The following MARK1 variants were observed in gnomAD, a reference collection of about 807,000 sequenced individuals.
MARK1 encodes the protein microtubule affinity regulating kinase 1, also known as serine/threonine-protein kinase MARK1.
MARK1 carries 40 observed loss-of-function variants against 96.3 expected under a neutral mutation model. The observed-to-expected ratio is 0.42, with a 90% CI of 0.32 to 0.54. MARK1 has a LOEUF of 0.54. MARK1 is among the 20% of genes least tolerant of loss of function. The pLI is 0.16. For synonymous variants in MARK1, 317 were observed against 341.2 expected (o/e 0.93, Z 0.78); for missense variants, 719 against 984.6 (o/e 0.73, Z 3.61).
intron 3 of MARK1, among the ~76,000 whole-genome samples, chr1:220,595,206 T>C (rs1665252464): frequency 1.3e-5 from 2 of 152,218 alleles, no homozygotes; most frequent in Admixed American, 1.3e-4. Flanking sequence ...CATAGATATG[T>C]ATATGTATGT....
At chr1:220,569,343 G>GT (rs1206935717) in intron 1 of MARK1, among the ~76,000 whole-genome samples, 2 of 152,056 alleles carry the variant, frequency 1.3e-5, no homozygotes, top group South Asian at 2.1e-4. Context: ...TATAAGGAGA[G>GT]TTTTTTAAAA....
At chr1:220,598,279 T>C (rs1326807507) in intron 3 of MARK1, 52 bp from the exon 4 acceptor site, 2 of 521,646 alleles carry the variant, frequency 3.8e-6, no homozygotes, top group Non-Finnish European at 7.4e-6. Flanking sequence ...ATTGGCTCTC[T>C]GCTTGCTTGT....
intron 1 of MARK1, among the ~76,000 whole-genome samples, chr1:220,537,302 T>G (rs1458540822): frequency 7.1e-6 from 1 of 141,614 alleles, no homozygotes; most frequent in East Asian, 2.1e-4. Context: ...TGTGTTCTCA[T>G]TGTTCAATTC....
chr1:220,661,006 C>A (rs945076040), intron 17 of MARK1, among the ~76,000 whole-genome samples: 1 of 152,086 alleles, frequency 6.6e-6, no homozygotes, highest in Non-Finnish European at 1.5e-5. Context: ...AGTTAGGGTA[C>A]AATATGAGCA....
At chr1:220,588,665 A>G (rs977126138) in intron 3 of MARK1, among the ~76,000 whole-genome samples, 3 of 152,216 alleles carry the variant, frequency 2.0e-5, no homozygotes, top group Admixed American at 6.5e-5. Context: ...AGGAAATGAC[A>G]TGATGATCCT....
At chr1:220,537,153 A>G (rs1237918008) in intron 1 of MARK1, among the ~76,000 whole-genome samples, 1 of 149,718 alleles carries the variant, frequency 6.7e-6, no homozygotes, top group African/African-American at 2.5e-5. Flanking sequence ...TTGGTTACAT[A>G]TGTATACATG....
intron 1 of MARK1, among the ~76,000 whole-genome samples, chr1:220,576,239 T>G (rs1051366509): frequency 6.6e-6 from 1 of 151,448 alleles, no homozygotes; most frequent in Non-Finnish European, 1.5e-5. Context: ...CAGCTGGGGA[T>G]CAGTTGATTA....
chr1:220,563,346 T>C (rs1468416985), intron 1 of MARK1, among the ~76,000 whole-genome samples: 1 of 152,348 alleles, frequency 6.6e-6, no homozygotes, highest in African/African-American at 2.4e-5. Context: ...CTAACATTTA[T>C]TGAATGCTTA....
chr1:220,648,037 G>T (rs748209122), intron 13 of MARK1, among the ~76,000 whole-genome samples: 22 of 150,156 alleles, frequency 1.5e-4, no homozygotes, highest in Non-Finnish European at 2.4e-4. Flanking sequence ...CATGTACCCT[G>T]GAACTTATAA....
chr1:220,581,039 A>G, intron 2 of MARK1, 26 bp from the exon 3 acceptor site: 1 of 1,048,930 alleles, frequency 9.5e-7, no homozygotes, highest in Non-Finnish European at 1.3e-6. Flanking sequence ...TTTTTCAAAT[A>G]GAGTTTAATG....
chr1:220,579,505 A>G lies in MARK1; in HGVS notation c.203A>G (p.Lys68Arg), dbSNP rs1664087850. ...TACCGTTTACAAAAAACAATAGGGAAGGGAAATTTTGCCAAAGTCAAATTG... is the reference window on the plus strand; with the variant it reads ...TACCGTTTACAAAAAACAATAGGGAGGGGAAATTTTGCCAAAGTCAAATTG... ...GNYRLQKTIG[K>R]GNFAKVKLAR... Residue 68 changes from lysine to arginine, a missense_variant, in exon 2 of 18, where the codon AAG (lysine) becomes AGG (arginine). Lys to Arg is a conservative substitution (Grantham distance 26). Coordinates refer to ENST00000366917, the MANE Select transcript of MARK1 (RefSeq NM_018650.5). 1 of 1,614,124 alleles carries G rather than the reference A, an allele frequency of 6.2e-7. No individual in the cohort carries two copies. The highest frequency in any genetic ancestry group is 2.2e-5 in the East Asian group (1 of 44,856).
intron 1 of MARK1, among the ~76,000 whole-genome samples, chr1:220,535,174 C>T (rs1006118802): frequency 6.6e-6 from 1 of 152,042 alleles, no homozygotes; most frequent in Admixed American, 6.6e-5. Context: ...ACATTTCCAC[C>T]AACAGTGCAC....
intron 6 of MARK1, among the ~76,000 whole-genome samples, chr1:220,604,511 T>C (rs551788284): frequency 6.6e-6 from 1 of 152,162 alleles, no homozygotes; most frequent in African/African-American, 2.4e-5. Context: ...ATATGTGTAC[T>C]GTTTAAAGAG....
intron 1 of MARK1, among the ~76,000 whole-genome samples, chr1:220,563,637 G>T (rs1662834188): frequency 1.3e-5 from 2 of 152,190 alleles, no homozygotes; most frequent in Non-Finnish European, 1.5e-5. Flanking sequence ...AGACCCCTCT[G>T]TGTAGTTGGG....
At chr1:220,560,474 C>T (rs1359559829) in intron 1 of MARK1, among the ~76,000 whole-genome samples, 2 of 152,190 alleles carry the variant, frequency 1.3e-5, no homozygotes, top group African/African-American at 4.8e-5. Flanking sequence ...TACATCATGG[C>T]TTCTCTTTGG....
chr1:220,630,773 C>T (rs895899727), intron 9 of MARK1, among the ~76,000 whole-genome samples: 2 of 151,946 alleles, frequency 1.3e-5, no homozygotes, highest in Non-Finnish European at 2.9e-5. Flanking sequence ...GTTAAAATAT[C>T]CAAATTTGAA....
chr1:220,639,625 C>A (rs542688680), intron 13 of MARK1, among the ~76,000 whole-genome samples: 1 of 152,142 alleles, frequency 6.6e-6, no homozygotes, highest in Non-Finnish European at 1.5e-5. Flanking sequence ...ACCTCAGTGG[C>A]AAAGAGGCAG....
intron 9 of MARK1, chr1:220,627,045 CT>C (rs1667385003): frequency 1.8e-6 from 1 of 542,254 alleles, no homozygotes; most frequent in East Asian, 5.0e-5. Context: ...CACATCAGTC[CT>C]TCCAGTATGA....
intron 6 of MARK1, among the ~76,000 whole-genome samples, chr1:220,614,398 G>C (rs568045517): frequency 2.0e-5 from 3 of 152,136 alleles, no homozygotes; most frequent in African/African-American, 4.8e-5. Context: ...GTCCTTCAAG[G>C]ATGGCTTAGA....
Sources: allele counts gnomAD v4.1 joint callset (sites outside exome capture counted in the v4.1 genomes callset), GRCh38; gene constraint gnomAD v4.1.1; transcripts MANE v1.5; gene names NCBI Gene and HGNC (gene_info 2026-07-23, HGNC 2026-07-21).